The following EPHB2 variants were observed in gnomAD, a reference collection of about 807,000 sequenced individuals.
EPHB2 encodes EPH receptor B2.
A neutral mutation model predicts 96.4 loss-of-function variants in EPHB2; 18 were observed. The observed-to-expected ratio is 0.19, with a 90% CI of 0.13 to 0.28. EPHB2 has a LOEUF of 0.28. Among genes scored for constraint, EPHB2 ranks in the 10% least tolerant of loss-of-function variants. EPHB2 has a pLI of 1.00. For missense variants in EPHB2, 989 were observed against 1,355.4 expected (o/e 0.73, Z 4.25); for synonymous variants, 506 against 534.1 (o/e 0.95, Z 0.72).
At chr1:22,895,818 G>A (rs1411856711) in intron 8 of EPHB2, among the ~76,000 whole-genome samples, 1 of 152,240 alleles carries the variant, frequency 6.6e-6, no homozygotes, top group Non-Finnish European at 1.5e-5. Context: ...TGAAAGAGGT[G>A]GCACATTGAG....
chr1:22,829,138 ACACTGACTGACTCGTTACTC>A (rs1201722449), intron 3 of EPHB2, among the ~76,000 whole-genome samples: 1 of 152,362 alleles, frequency 6.6e-6, no homozygotes, highest in East Asian at 1.9e-4. Context: ...AAAGCACGTG[ACACTGACTGACTCGTTACTC>A]CTCAGAGCGC....
intron 1 of EPHB2, among the ~76,000 whole-genome samples, chr1:22,715,652 T>C (rs1244297214): frequency 6.6e-6 from 1 of 152,240 alleles, no homozygotes; most frequent in East Asian, 1.9e-4. Flanking sequence ...AGTTGACTTA[T>C]TCACTCATTC....
intron 3 of EPHB2, among the ~76,000 whole-genome samples, chr1:22,848,121 G>A (rs1645570519): frequency 6.6e-6 from 1 of 152,162 alleles, no homozygotes; most frequent in African/African-American, 2.4e-5. Context: ...TCAAGGGCAG[G>A]CCCTCATGGA....
At chr1:22,758,246 CA>C (rs767483950) in intron 1 of EPHB2, among the ~76,000 whole-genome samples, 3 of 151,728 alleles carry the variant, frequency 2.0e-5, no homozygotes, top group Non-Finnish European at 4.4e-5. Context: ...GTAGGGATCC[CA>C]AAAGCTGGGG....
At position 22,896,534 on chromosome 1, in the gene EPHB2, A is replaced by C; in HGVS notation, c.1765+56A>C. 3 of 1,609,196 alleles carry C rather than the reference A, an allele frequency of 1.9e-6. No individual in the cohort carries two copies. The African/African-American group carries it at 4.0e-5, about 21-fold the overall frequency. On this transcript the variant is annotated intron_variant, in intron 9 of 15. Coordinates refer to ENST00000374630, the MANE Select transcript of EPHB2 (RefSeq NM_017449.5). ...TTGGGCCCTTCACTGTCGGTTCCCCAGTGACCTCTTAAGCCATCTTTGACC... is the reference window on the plus strand; with the variant it reads ...TTGGGCCCTTCACTGTCGGTTCCCCCGTGACCTCTTAAGCCATCTTTGACC...
At chr1:22,802,501 G>A (rs1644859188) in intron 3 of EPHB2, among the ~76,000 whole-genome samples, 1 of 152,126 alleles carries the variant, frequency 6.6e-6, no homozygotes, top group Non-Finnish European at 1.5e-5. Flanking sequence ...CCAGTCTAAG[G>A]CCAAAGACTA....
Position 22,741,408 on chromosome 1 carries a change from G to A in EPHB2, c.61+30365G>A, listed in dbSNP as rs939056029. Among the ~76,000 whole-genome samples, 9 of 151,962 alleles carry A rather than the reference G, an allele frequency of 5.9e-5. No individual in the cohort carries two copies. In the South Asian group the frequency reaches 1.9e-3, roughly 32 times the overall value. On this transcript the variant is annotated intron_variant, in intron 1 of 15. Transcript: ENST00000374630. ...ACCTGGCTGCCTTCCTCCAGCCTGC[G>A]CCCCCTAGTCTCCCTCTTATCTAAA...
At chr1:22,896,885 C>T (rs1449006738) in intron 9 of EPHB2, among the ~76,000 whole-genome samples, 1 of 152,168 alleles carries the variant, frequency 6.6e-6, no homozygotes, top group Non-Finnish European at 1.5e-5. Context: ...ACCGTGTCTC[C>T]CCAGCACCAG....
chr1:22,815,895 A>T (rs1357347681), intron 3 of EPHB2, among the ~76,000 whole-genome samples: 2 of 152,182 alleles, frequency 1.3e-5, no homozygotes, highest in African/African-American at 4.8e-5. Flanking sequence ...CCAAGGGCTC[A>T]GTCTATGAAG....
chr1:22,730,487 A>T (rs1014681504), intron 1 of EPHB2, among the ~76,000 whole-genome samples: 2 of 152,222 alleles, frequency 1.3e-5, no homozygotes, highest in African/African-American at 4.8e-5. Context: ...CTGATGCCAG[A>T]TATCTAGTGA....
intron 5 of EPHB2, among the ~76,000 whole-genome samples, chr1:22,877,641 G>A (rs1355672875): frequency 7.2e-5 from 11 of 152,008 alleles, no homozygotes; most frequent in African/African-American, 2.4e-4. Context: ...AGGCAGGTGA[G>A]GGGGGCAGGC....
intron 6 of EPHB2, among the ~76,000 whole-genome samples, chr1:22,884,758 G>T (rs936212082): frequency 1.3e-5 from 2 of 151,860 alleles, no homozygotes; most frequent in African/African-American, 4.8e-5. Flanking sequence ...CAACCTTCCA[G>T]ATCTCAGCCT....
At chr1:22,886,373 A>C (rs1486815899) in intron 6 of EPHB2, among the ~76,000 whole-genome samples, 1 of 152,156 alleles carries the variant, frequency 6.6e-6, no homozygotes, top group African/African-American at 2.4e-5. Flanking sequence ...GCTAATTGTC[A>C]AGGGCCTTCC....
At chr1:22,814,110 C>T (rs1645039782) in intron 3 of EPHB2, among the ~76,000 whole-genome samples, 1 of 152,022 alleles carries the variant, frequency 6.6e-6, no homozygotes, top group Admixed American at 6.6e-5. Flanking sequence ...GCAGAGGTTG[C>T]AGTGAGCCGA....
At chr1:22,840,141 C>T (rs757571540) in intron 3 of EPHB2, among the ~76,000 whole-genome samples, 1 of 152,156 alleles carries the variant, frequency 6.6e-6, no homozygotes, top group African/African-American at 2.4e-5. Context: ...CTCTCTAAGC[C>T]TGTTTTCTCC....
chr1:22,796,882 G>T (rs951890972), intron 3 of EPHB2, among the ~76,000 whole-genome samples: 2 of 152,232 alleles, frequency 1.3e-5, no homozygotes, highest in Non-Finnish European at 2.9e-5. Context: ...GGAAGCAGAA[G>T]TTCAGAGAGG....
chr1:22,804,242 A>G (rs1191341023), intron 3 of EPHB2, among the ~76,000 whole-genome samples: 1 of 152,152 alleles, frequency 6.6e-6, no homozygotes, highest in Non-Finnish European at 1.5e-5. Context: ...CCTGCCCAGC[A>G]CTGTGCCTGC....
intron 3 of EPHB2, among the ~76,000 whole-genome samples, chr1:22,792,401 C>A (rs1644707535): frequency 1.3e-5 from 2 of 152,296 alleles, no homozygotes; most frequent in Middle Eastern, 3.4e-3. Context: ...ACAGACAACT[C>A]CTGCAGACCC....
At chr1:22,765,499 A>G (rs1420539232) in intron 1 of EPHB2, among the ~76,000 whole-genome samples, 2 of 140,948 alleles carry the variant, frequency 1.4e-5, no homozygotes, top group East Asian at 4.5e-4. Flanking sequence ...GTAAGCCAAG[A>G]TGGCGCCACT....
Sources: gnomAD v4.1 joint callset for allele counts (sites outside exome capture counted in the v4.1 genomes callset) on GRCh38, gnomAD v4.1.1 for gene constraint, MANE v1.5 for transcripts, NCBI Gene and HGNC (gene_info 2026-07-23, HGNC 2026-07-21) for gene names.